Variants in SOX5 observed in about 807,000 individuals in gnomAD.
SOX5 encodes the protein transcription factor SOX-5.
SOX5 carries 9 observed loss-of-function variants against 92.0 expected under a neutral mutation model. The observed-to-expected ratio is 0.10, with a 90% confidence interval of 0.06 to 0.17. The LOEUF (loss-of-function observed/expected upper bound fraction) is 0.17, where lower values mean the gene tolerates loss of function less well. Ranked by LOEUF, SOX5 falls within the 10% of genes least tolerant of loss-of-function variation. The probability of loss-of-function intolerance (pLI) is 1.00; values close to 1 mark genes in which losing one functional copy is unlikely to be tolerated. For missense variants in SOX5, 642 were observed against 944.5 expected, an observed-to-expected ratio of 0.68 and a Z score of 4.20; for synonymous variants, 344 against 336.3, an observed-to-expected ratio of 1.02 and a Z score of -0.25.
At chr12:23,538,406 C>T (rs1941105191) in intron 13 of SOX5, among the ~76,000 whole-genome samples, 1 of 152,130 alleles carries the variant, frequency 6.6e-6, no homozygotes, top group Admixed American at 6.5e-5. Context: ...AATAGAGTTT[C>T]TTTTTCTATT....
chr12:23,608,108 G>GAAAAAAA (rs1566278538), intron 8 of SOX5, among the ~76,000 whole-genome samples: 6 of 5,670 alleles, frequency 1.1e-3, no homozygotes, highest in Admixed American at 3.1e-3. Context: ...TGTCTCAAAA[G>GAAAAAAA]AAAAAAGAAA....
intron 5 of SOX5, among the ~76,000 whole-genome samples, chr12:23,736,084 C>T (rs2093581596): frequency 6.6e-6 from 1 of 151,948 alleles, no homozygotes; most frequent in African/African-American, 2.4e-5. Context: ...TTCTAACATC[C>T]TGAAACTTAT....
chr12:23,979,699 T>TTTG (rs1949324661), intron 4 of SOX5, among the ~76,000 whole-genome samples: 1 of 23,622 alleles, frequency 4.2e-5, no homozygotes, highest in Non-Finnish European at 8.9e-5. Flanking sequence ...TATATATATG[T>TTTG]TTTTTTTGTT....
intron 2 of SOX5, among the ~76,000 whole-genome samples, chr12:24,299,621 A>C (rs1947719783): frequency 6.6e-6 from 1 of 152,172 alleles, no homozygotes; most frequent in Non-Finnish European, 1.5e-5. Context: ...ATAAACAAAC[A>C]CTAGACAGTT....
chr12:24,424,098 A>G (rs1220090433), intron 1 of SOX5, among the ~76,000 whole-genome samples: 1 of 152,212 alleles, frequency 6.6e-6, no homozygotes, highest in African/African-American at 2.4e-5. Flanking sequence ...GTGGCAGCTG[A>G]AAAATATTAC....
At chr12:23,891,886 T>C (rs1447519867) in intron 2 of SOX5, among the ~76,000 whole-genome samples, 1 of 152,150 alleles carries the variant, frequency 6.6e-6, no homozygotes, top group African/African-American at 2.4e-5. Flanking sequence ...TCTGGATATA[T>C]TATACATTAG....
intron 4 of SOX5, among the ~76,000 whole-genome samples, chr12:24,113,930 T>C (rs1346387899): frequency 6.6e-6 from 1 of 152,216 alleles, no homozygotes; most frequent in East Asian, 1.9e-4. Flanking sequence ...TGCATGCATG[T>C]TGCCTGGAAT....
Position 23,530,923 on chromosome 12 carries a change from G to A in SOX5, c.*3296C>T, listed in dbSNP as rs1409196458. The A allele has an allele frequency of 6.6e-6, 1 of 151,332 alleles. No individual in the cohort carries two copies. The highest frequency in any genetic ancestry group is 1.5e-5 in the Non-Finnish European group (1 of 67,816). 9.4% of individuals were successfully genotyped at this position (151,332 alleles called of 1,614,324 possible). On this transcript the variant is annotated 3_prime_UTR_variant, in exon 15 of 15. Transcript: ENST00000451604. Reference sequence around the variant, plus strand: ...CAGGAAGGAGACTGTTTATGTTTTAGTTTGATCTTTTGATCTTACTCTCAT... The same window carrying A: ...CAGGAAGGAGACTGTTTATGTTTTAATTTGATCTTTTGATCTTACTCTCAT...
intron 1 of SOX5, among the ~76,000 whole-genome samples, chr12:24,556,508 A>T (rs188450548): frequency 2.8e-4 from 43 of 152,334 alleles, no homozygotes; most frequent in African/African-American, 1.0e-3. Context: ...ACTCAGATGG[A>T]TTTCTTTTTC....
intron 4 of SOX5, among the ~76,000 whole-genome samples, chr12:23,981,460 T>C (rs1451197445): frequency 6.6e-6 from 1 of 152,236 alleles, no homozygotes; most frequent in Non-Finnish European, 1.5e-5. Flanking sequence ...TTAAACTTTG[T>C]TAAAATATGG....
At chr12:24,171,171 G>T (rs1954062582) in intron 4 of SOX5, among the ~76,000 whole-genome samples, 1 of 85,312 alleles carries the variant, frequency 1.2e-5, no homozygotes, top group Non-Finnish European at 2.5e-5. Context: ...ACTTCTAATA[G>T]TGATTTTAGT....
intron 6 of SOX5, among the ~76,000 whole-genome samples, chr12:23,709,546 G>A (rs2091825251): frequency 6.6e-6 from 1 of 152,168 alleles, no homozygotes; most frequent in Non-Finnish European, 1.5e-5. Flanking sequence ...TACCCTCAGA[G>A]AAACCAAAAT....
intron 1 of SOX5, among the ~76,000 whole-genome samples, chr12:23,925,326 T>C (rs938323116): frequency 6.6e-6 from 1 of 152,224 alleles, no homozygotes; most frequent in Admixed American, 6.5e-5. Flanking sequence ...AGAGGGCAAG[T>C]AGTACATCAG....
intron 7 of SOX5, among the ~76,000 whole-genome samples, chr12:23,652,094 C>T (rs140296363): frequency 7.0e-4 from 107 of 152,026 alleles, no homozygotes; most frequent in Middle Eastern, 3.4e-3. Context: ...ATCTTAAATC[C>T]TTCTCCTACT....
chr12:24,562,149 C>T (rs894229733), intron 1 of SOX5, among the ~76,000 whole-genome samples: 1 of 152,214 alleles, frequency 6.6e-6, no homozygotes. Context: ...CAGTCCCCCT[C>T]CCTCTGTACT....
chr12:23,851,084 G>GA (rs532539166), intron 2 of SOX5, among the ~76,000 whole-genome samples: 1,811 of 140,722 alleles, frequency 0.013, 17 homozygotes, highest in Non-Finnish European at 0.021. Flanking sequence ...GCTTGCAAAA[G>GA]AAAAAAAAAA....
intron 3 of SOX5, among the ~76,000 whole-genome samples, chr12:23,813,572 A>T (rs1185689502): frequency 6.6e-6 from 1 of 152,214 alleles, no homozygotes; most frequent in African/African-American, 2.4e-5. Flanking sequence ...ATAAAAGTAT[A>T]TGTTGTTCTA....
chr12:24,167,565 T>G (rs1177801806), intron 4 of SOX5, among the ~76,000 whole-genome samples: 1 of 152,226 alleles, frequency 6.6e-6, no homozygotes, highest in African/African-American at 2.4e-5. Context: ...TTCTCCGGAC[T>G]CTGCCACATT....
chr12:24,362,469 G>A (rs1565989148), intron 2 of SOX5, among the ~76,000 whole-genome samples: 3 of 152,192 alleles, frequency 2.0e-5, no homozygotes, highest in Admixed American at 2.0e-4. Context: ...CGGGTAACCA[G>A]ATCAATTGTG....
Sources: gnomAD v4.1 joint callset for allele counts (sites outside exome capture counted in the v4.1 genomes callset) on GRCh38, gnomAD v4.1.1 for gene constraint, MANE v1.5 for transcripts, NCBI Gene and HGNC (gene_info 2026-07-23, HGNC 2026-07-21) for gene names.